HECW1: variants seen among roughly 807,000 people sequenced by gnomAD.
HECW1 encodes the protein HECT, C2 and WW domain containing E3 ubiquitin protein ligase 1.
In HECW1, 61 loss-of-function variants were observed where a neutral mutation model predicts 182.3. The observed-to-expected ratio is 0.33, with a 90% CI of 0.27 to 0.41. The LOEUF (loss-of-function observed/expected upper bound fraction) is 0.41, where lower values mean the gene tolerates loss of function less well. Ranked by LOEUF, HECW1 falls within the 10% of genes least tolerant of loss-of-function variation. HECW1 has a pLI of 1.00. For synonymous variants in HECW1, 859 were observed against 832.6 expected, an observed-to-expected ratio of 1.03 and a Z score of -0.55; for missense variants, 1,739 against 2,108.9, an observed-to-expected ratio of 0.82 and a Z score of 3.44.
intron 3 of HECW1, 146 bp from the exon 4 acceptor site, chr7:43,311,617 A>C (rs543631466): frequency 2.5e-6 from 2 of 807,790 alleles, no homozygotes; most frequent in Admixed American, 3.4e-5. Flanking sequence ...CACGAGGAAG[A>C]TGCTCTATGC....
intron 3 of HECW1, among the ~76,000 whole-genome samples, chr7:43,255,066 C>T (rs1470233078): frequency 6.6e-6 from 1 of 152,102 alleles, no homozygotes; most frequent in African/African-American, 2.4e-5. Flanking sequence ...ATGCCCTAGT[C>T]AATTAAGACA....
rs112789561 is a variant in HECW1, at chr7:43,559,373, G to A, written c.4710-2442G>A. Among the ~76,000 whole-genome samples the A allele has an allele frequency of 5.0e-3, 762 of 152,200 alleles. 9 individuals are homozygous for A. Among genetic ancestry groups the A allele is most frequent in the African/African-American group, 0.017 (719 of 41,510 alleles). ...AGTGAGTCACCTGCCAGTAGGTCAC[G>A]TGCAAAACTCCAGAGGCTTCAGTTG... is the stretch of plus-strand genomic sequence containing the variant. On this transcript the variant is annotated intron_variant, in intron 29 of 29. Transcript: ENST00000395891.
At chr7:43,451,039 C>A in intron 12 of HECW1, 110 bp downstream of exon 12, 1 of 759,250 alleles carries the variant, frequency 1.3e-6, no homozygotes, top group Non-Finnish European at 2.2e-6. Context: ...CCGTGCCTTA[C>A]AGTGTTAACA....
intron 2 of HECW1, among the ~76,000 whole-genome samples, chr7:43,174,319 A>G (rs1791997494): frequency 6.6e-6 from 1 of 152,208 alleles, no homozygotes; most frequent in Non-Finnish European, 1.5e-5. Context: ...GACCCTTATC[A>G]GCCTGGGTTT....
rs1317336993 is a variant in HECW1 at position 43,562,790 on chromosome 7, G to A, written c.*864G>A. 9.2e-6 allele frequency: 2 copies of A among 216,928 alleles called. No homozygotes were observed. Among genetic ancestry groups the A allele is most frequent in the Non-Finnish European group, 1.9e-5 (2 of 107,770 alleles). The allele number at this position is 216,928 out of a possible 1,614,324, so 13.4% of individuals were successfully genotyped here. A position where few individuals can be genotyped will look rare whatever the true frequency, so the allele number is the denominator to read the frequency against. On this transcript the variant is annotated 3_prime_UTR_variant, in exon 30 of 30. Coordinates refer to ENST00000395891, the MANE Select transcript of HECW1 (RefSeq NM_015052.5). ...GCTTCAGCCCCCATTGTCTTATGTAGAATGTGGCAATGCCAACTGGAGAAA... is the reference window on the plus strand; with the variant it reads ...GCTTCAGCCCCCATTGTCTTATGTAAAATGTGGCAATGCCAACTGGAGAAA...
At chr7:43,121,555 G>A (rs1344746266) in intron 2 of HECW1, among the ~76,000 whole-genome samples, 1 of 151,980 alleles carries the variant, frequency 6.6e-6, no homozygotes, top group Non-Finnish European at 1.5e-5. Flanking sequence ...ATAGTGATAT[G>A]TAAAATCACT....
chr7:43,419,007 T>C (rs923166462), intron 8 of HECW1, among the ~76,000 whole-genome samples: 1 of 152,210 alleles, frequency 6.6e-6, no homozygotes, highest in South Asian at 2.1e-4. Flanking sequence ...GTTCAGTTCT[T>C]TAAGCCCTAA....
At chr7:43,548,329 CA>C (rs1454806103) in intron 26 of HECW1, among the ~76,000 whole-genome samples, 1 of 151,600 alleles carries the variant, frequency 6.6e-6, no homozygotes, top group African/African-American at 2.4e-5. Context: ...TGTAAGTCTC[CA>C]AAAAAATTCC....
intron 24 of HECW1, among the ~76,000 whole-genome samples, chr7:43,526,147 C>T (rs1333173354): frequency 1.3e-5 from 2 of 152,142 alleles, no homozygotes; most frequent in Non-Finnish European, 2.9e-5. Flanking sequence ...ACTTAAATAG[C>T]TTCAGGTATT....
At chr7:43,457,613 G>A (rs1050537779) in intron 13 of HECW1, among the ~76,000 whole-genome samples, 12 of 151,864 alleles carry the variant, frequency 7.9e-5, no homozygotes, top group Admixed American at 7.2e-4. Flanking sequence ...TCTCTACTAA[G>A]AATGCAAAAA....
At chr7:43,559,687 T>C (rs181723798) in intron 29 of HECW1, among the ~76,000 whole-genome samples, 57 of 152,280 alleles carry the variant, frequency 3.7e-4, no homozygotes, top group African/African-American at 1.2e-3. Context: ...GGTTTCTTGC[T>C]GTCCACTGCC....
intron 2 of HECW1, among the ~76,000 whole-genome samples, chr7:43,211,557 G>A (rs1796014296): frequency 6.6e-6 from 1 of 152,114 alleles, no homozygotes; most frequent in African/African-American, 2.4e-5. Context: ...TTCCAAGGGG[G>A]ACTCAAGCAT....
chr7:43,429,135 C>T (rs2076450957), intron 8 of HECW1, among the ~76,000 whole-genome samples: 2 of 150,004 alleles, frequency 1.3e-5, no homozygotes, highest in South Asian at 4.2e-4. Context: ...CCTAATTTGC[C>T]ATAGCAGTAT....
At chr7:43,551,555 T>C (rs2081827989) in intron 27 of HECW1, among the ~76,000 whole-genome samples, 1 of 152,248 alleles carries the variant, frequency 6.6e-6, no homozygotes, top group Non-Finnish European at 1.5e-5. Flanking sequence ...TGATGTGGAC[T>C]CTTGGCCTTT....
chr7:43,376,729 G>A (rs1269083522), intron 6 of HECW1, among the ~76,000 whole-genome samples: 1 of 152,066 alleles, frequency 6.6e-6, no homozygotes, highest in African/African-American at 2.4e-5. Context: ...AGCTGGGCGT[G>A]GTGGCAGGCG....
intron 3 of HECW1, among the ~76,000 whole-genome samples, chr7:43,251,063 C>A (rs73101143): frequency 1.3e-5 from 2 of 152,204 alleles, no homozygotes; most frequent in Non-Finnish European, 2.9e-5. Flanking sequence ...ACCCCACCCC[C>A]CTTACTGGAT....
intron 3 of HECW1, among the ~76,000 whole-genome samples, chr7:43,307,507 G>A (rs1435548411): frequency 6.6e-6 from 1 of 152,154 alleles, no homozygotes; most frequent in Non-Finnish European, 1.5e-5. Context: ...AGGAAGAATG[G>A]TGGAGTTGTA....
intron 8 of HECW1, among the ~76,000 whole-genome samples, chr7:43,415,357 C>G (rs1223128265): frequency 7.1e-6 from 1 of 140,746 alleles, no homozygotes; most frequent in African/African-American, 2.7e-5. Context: ...AATATTGGCC[C>G]CCACTCTCTT....
intron 5 of HECW1, among the ~76,000 whole-genome samples, chr7:43,342,944 T>C (rs1358454991): frequency 1.3e-5 from 2 of 151,476 alleles, no homozygotes; most frequent in Non-Finnish European, 2.9e-5. Context: ...GAGAATGGCA[T>C]GAACCTGGGA....
Sources: allele counts gnomAD v4.1 joint callset (sites outside exome capture counted in the v4.1 genomes callset), GRCh38; gene constraint gnomAD v4.1.1; transcripts MANE v1.5; gene names NCBI Gene and HGNC (gene_info 2026-07-23, HGNC 2026-07-21).